DNAH10: variants seen among roughly 807,000 people sequenced by gnomAD.
The protein encoded by DNAH10 is dynein axonemal heavy chain 10.
In DNAH10, 348 loss-of-function variants were observed where a neutral mutation model predicts 506.6. That is an observed-to-expected ratio of 0.69 (90% confidence interval 0.63 to 0.75). The LOEUF (loss-of-function observed/expected upper bound fraction) is 0.75, where lower values mean the gene tolerates loss of function less well. Ranked by LOEUF, DNAH10 falls within the 30% of genes least tolerant of loss-of-function variation. The pLI is 0.00. For synonymous variants in DNAH10, 2,059 were observed against 2,198.6 expected (o/e 0.94, Z 1.78); for missense variants, 5,179 against 5,787.1 (o/e 0.89, Z 3.41).
intron 21 of DNAH10, 127 bp from the exon 22 acceptor site, chr12:123,818,823 T>G (rs1959189384): frequency 1.6e-6 from 1 of 641,752 alleles, no homozygotes; most frequent in Non-Finnish European, 2.8e-6. Context: ...GCTTTTGAGT[T>G]GGTTTGAATT....
chr12:123,933,370 C>A lies in DNAH10; in HGVS notation c.13336C>A (p.Leu4446Met), dbSNP rs1333205772. Reference sequence around the variant, plus strand: ...GCCCAGCGTGATGTGGCTCTCGGGGCTGCACATCCCTGAGTCCTACCTCAC... The same window carrying A: ...GCCCAGCGTGATGTGGCTCTCGGGGATGCACATCCCTGAGTCCTACCTCAC... ...SEPSVMWLSG[L>M]HIPESYLTAL... Residue 4446 changes from leucine to methionine, a missense_variant, in exon 77 of 79, where the codon CTG (leucine) becomes ATG (methionine). Physicochemically the swap from Leu to Met is conservative, Grantham distance 15. Transcript: ENST00000673944. 2 of 1,607,112 alleles carry A rather than the reference C, an allele frequency of 1.2e-6. No individual in the cohort carries two copies. The highest frequency in any genetic ancestry group is 1.7e-5 in the Admixed American group (1 of 59,504).
At chr12:123,905,376 G>A (rs1000634666) in intron 57 of DNAH10, among the ~76,000 whole-genome samples, 1 of 152,192 alleles carries the variant, frequency 6.6e-6, no homozygotes, top group African/African-American at 2.4e-5. Flanking sequence ...CCACCTGCAG[G>A]ATACATTTCT....
intron 24 of DNAH10, 51 bp from the exon 25 acceptor site, chr12:123,826,636 G>C: frequency 3.9e-6 from 6 of 1,544,308 alleles, no homozygotes; most frequent in Non-Finnish European, 5.3e-6. Flanking sequence ...TCTCCTTGTT[G>C]CATTTCCAAA....
chr12:123,838,704 T>C lies in DNAH10; in HGVS notation c.5136+15T>C. 6.2e-7 allele frequency: 1 copy of C among 1,608,676 alleles called. No individual in the cohort carries two copies. The highest frequency in any genetic ancestry group is 8.5e-7 in the Non-Finnish European group (1 of 1,176,288). On this transcript the variant is annotated intron_variant, in intron 29 of 78. Transcript: ENST00000673944. Reference sequence around the variant, plus strand: ...ACATGATCAAGGTCAGCCCTCTGGGTGTGCAGGGGCTCCCCGTGTAAGCCT... The same window carrying C: ...ACATGATCAAGGTCAGCCCTCTGGGCGTGCAGGGGCTCCCCGTGTAAGCCT...
chr12:123,789,886 AC>A, intron 10 of DNAH10, 40 bp from the exon 11 acceptor site: 1 of 1,571,226 alleles, frequency 6.4e-7, no homozygotes. Flanking sequence ...TCACAGGAAA[AC>A]CCAAATGTAA....
At chr12:123,796,469 A>C (rs1472231502) in intron 12 of DNAH10, among the ~76,000 whole-genome samples, 187 bp from the exon 13 acceptor site, 1 of 152,084 alleles carries the variant, frequency 6.6e-6, no homozygotes, top group Non-Finnish European at 1.5e-5. Flanking sequence ...CAACAACAAC[A>C]ACAAAAAGAT....
chr12:123,870,409 G>T lies in DNAH10; in HGVS notation c.7563G>T (p.Arg2521=), dbSNP rs1435132635. The T allele has an allele frequency of 5.0e-6, 8 of 1,613,888 alleles. No homozygotes were observed. Among genetic ancestry groups the T allele is most frequent in the Non-Finnish European group, 6.8e-6 (8 of 1,179,852 alleles). The part of the protein sequence containing the change: ...TLYDFHFDNK[R]NQWVPWSKLV... ...ATGACTTTCATTTTGATAACAAACG[G>T]AATCAATGGGTCCCATGGAGTAAAT... Residue 2521 remains arginine, a synonymous_variant, in exon 44 of 79, where the codon CGG becomes CGT. Coordinates refer to ENST00000673944, the MANE Select transcript of DNAH10 (RefSeq NM_001372106.1).
At chr12:123,791,902 C>T (rs1032109290) in intron 11 of DNAH10, among the ~76,000 whole-genome samples, 2 of 152,168 alleles carry the variant, frequency 1.3e-5, no homozygotes, top group Admixed American at 6.5e-5. Flanking sequence ...GAAAAAACAG[C>T]TCCATGCTTA....
At chr12:123,867,388 T>G in intron 41 of DNAH10, 79 bp from the exon 42 acceptor site, 1 of 1,491,874 alleles carries the variant, frequency 6.7e-7, no homozygotes, top group Non-Finnish European at 9.0e-7. Flanking sequence ...CAACCCTCTT[T>G]GGGCAAGAAA....
Position 123,813,233 on chromosome 12 carries a change from G to C in DNAH10, c.3214G>C (p.Val1072Leu), listed in dbSNP as rs146033482. 3.4e-4 allele frequency: 549 copies of C among 1,613,994 alleles called. 2 individuals are homozygous for C. Among genetic ancestry groups the C allele is most frequent in the Non-Finnish European group, 3.6e-4 (429 of 1,180,002 alleles). The change falls in exon 20 of 79, where the codon GTT (valine) becomes CTT (leucine). Residue 1072 changes from valine (V) to leucine (L), a missense_variant. This residue lies in a region of DNAH10 where 4,844 missense variants were observed against 5,430.5 expected (regional missense o/e 0.89). Coordinates refer to ENST00000673944, the MANE Select transcript of DNAH10 (RefSeq NM_001372106.1). Reference sequence around the variant, plus strand: ...TCAGAAGGGGGAGGAAGAGGAAGTTGTTATAATAAACTTTTACAATGATAT... The same window carrying C: ...TCAGAAGGGGGAGGAAGAGGAAGTTCTTATAATAAACTTTTACAATGATAT... ...PPQKGEEEEV[V>L]IINFYNDISL...
At chr12:123,811,065 A>G (rs1386703846) in intron 19 of DNAH10, among the ~76,000 whole-genome samples, 1 of 152,206 alleles carries the variant, frequency 6.6e-6, no homozygotes, top group African/African-American at 2.4e-5. Context: ...GATCTTGGCA[A>G]ATGAACATGC....
At chr12:123,766,313 C>CT (rs1276880073) in intron 1 of DNAH10, among the ~76,000 whole-genome samples, 1 of 152,086 alleles carries the variant, frequency 6.6e-6, no homozygotes, top group Non-Finnish European at 1.5e-5. Flanking sequence ...ACCTACCTAC[C>CT]TGCTTGTCAT....
chr12:123,862,960 G>A (rs1225544331), intron 39 of DNAH10, among the ~76,000 whole-genome samples: 8 of 152,074 alleles, frequency 5.3e-5, no homozygotes, highest in Non-Finnish European at 4.4e-5. Context: ...GCAAAAAAAC[G>A]TAACAATTGG....
intron 51 of DNAH10, chr12:123,882,235 GT>G (rs1468995579): frequency 6.4e-6 from 1 of 155,248 alleles, no homozygotes; most frequent in East Asian, 1.9e-4. Context: ...AGCACATCCT[GT>G]GAACGGTGAT....
At position 123,913,823 on chromosome 12, in the gene DNAH10, G is replaced by A. The variant is rs1282261526; in HGVS notation, c.10353-506G>A. On this transcript the variant is annotated intron_variant, in intron 60 of 78. Coordinates refer to ENST00000673944, the MANE Select transcript of DNAH10 (RefSeq NM_001372106.1). The surrounding 1 kb of genome is among the most constrained non-coding windows in gnomAD (Gnocchi z 5.1). ...GGCAACAATTTTGAATCTAGCATCTGTAAGTGTGGTGTAGAAAACACTGAA... is the reference window on the plus strand; with the variant it reads ...GGCAACAATTTTGAATCTAGCATCTATAAGTGTGGTGTAGAAAACACTGAA... 1.3e-5 allele frequency among the ~76,000 whole-genome samples: 2 copies of A among 152,236 alleles called. No individual in the cohort carries two copies. Among genetic ancestry groups the A allele is most frequent in the African/African-American group, 4.8e-5 (2 of 41,464 alleles).
rs1053463298 is a variant in DNAH10, at chr12:123,926,258, AAAAG to A, written c.11922-375_11922-372del. Among the ~76,000 whole-genome samples, 3 of 151,648 alleles carry A rather than the reference AAAAG, an allele frequency of 2.0e-5. No individual in the cohort carries two copies. The highest frequency in any genetic ancestry group is 7.3e-5 in the African/African-American group (3 of 41,338). ...AATTTAAAAAAAAAAAAAAAAAAGA[AAAAG>A]AAAAAACCCACACACAAAACACAAA... On this transcript the variant is annotated intron_variant, in intron 68 of 78. Transcript: ENST00000673944. This position sits in a 1 kb window ranked among gnomAD's most constrained non-coding sequence, Gnocchi z 4.1.
At chr12:123,765,879 C>T (rs1957025803) in intron 1 of DNAH10, among the ~76,000 whole-genome samples, 1 of 151,010 alleles carries the variant, frequency 6.6e-6, no homozygotes, top group South Asian at 2.1e-4. Context: ...CTGTCTGTCT[C>T]CTGTCTACCT....
intron 52 of DNAH10, among the ~76,000 whole-genome samples, chr12:123,891,991 G>A (rs1953003244): frequency 6.6e-6 from 1 of 152,222 alleles, no homozygotes; most frequent in Non-Finnish European, 1.5e-5. Context: ...GCTAGTTGGA[G>A]ACTCAGTGCT....
chr12:123,840,760 A>G (rs1427698097), intron 29 of DNAH10, among the ~76,000 whole-genome samples: 2 of 152,166 alleles, frequency 1.3e-5, no homozygotes, highest in East Asian at 3.8e-4. Flanking sequence ...ATTGTCCTAA[A>G]TGTTATTCTG....
Sources: gnomAD v4.1 joint callset for allele counts (sites outside exome capture counted in the v4.1 genomes callset) on GRCh38, gnomAD v4.1.1 for gene constraint, gnomAD v4.1.1 regional missense constraint, Gnocchi (gnomAD v3.1) non-coding constraint, MANE v1.5 for transcripts, NCBI Gene and HGNC (gene_info 2026-07-23, HGNC 2026-07-21) for gene names.